PCDH15: variants seen among roughly 807,000 people sequenced by gnomAD.
The protein encoded by PCDH15 is protocadherin related 15.
PCDH15 carries 129 observed loss-of-function variants against 178.5 expected under a neutral mutation model. That is an observed-to-expected ratio of 0.72 (90% CI 0.63 to 0.84). The LOEUF (loss-of-function observed/expected upper bound fraction) is 0.84. Among genes scored for constraint, PCDH15 ranks in the 40% least tolerant of loss-of-function variants. PCDH15 has a pLI of 0.00. For synonymous variants in PCDH15, 800 were observed against 732.0 expected (o/e 1.09, Z -1.50); for missense variants, 2,230 against 2,099.9 (o/e 1.06, Z -1.21).
At chr10:54,998,848 A>G (rs1839716717) in intron 2 of PCDH15, among the ~76,000 whole-genome samples, 1 of 152,196 alleles carries the variant, frequency 6.6e-6, no homozygotes, top group African/African-American at 2.4e-5. Context: ...TATTTTGTAG[A>G]CTTAAAGATA....
chr10:55,527,178 C>T (rs1373088890), intron 2 of PCDH15, among the ~76,000 whole-genome samples: 1 of 152,006 alleles, frequency 6.6e-6, no homozygotes, highest in Non-Finnish European at 1.5e-5. Context: ...TGTGTATATT[C>T]GTTTCTTATG....
intron 2 of PCDH15, chr10:55,600,131 G>A (rs1017632910): frequency 8.8e-6 from 3 of 341,362 alleles, no homozygotes; most frequent in African/African-American, 2.1e-5. Context: ...TTGGGAGGCC[G>A]AGGTGGGTGG....
At chr10:54,359,172 A>G (rs1447786269) in intron 5 of PCDH15, among the ~76,000 whole-genome samples, 1 of 152,032 alleles carries the variant, frequency 6.6e-6, no homozygotes, top group Non-Finnish European at 1.5e-5. Context: ...AAAACAAAAA[A>G]CAAAACACAG....
At chr10:54,657,476 G>A (rs1478573610) in intron 2 of PCDH15, among the ~76,000 whole-genome samples, 1 of 152,174 alleles carries the variant, frequency 6.6e-6, no homozygotes, top group Non-Finnish European at 1.5e-5. Context: ...AAGGCACAGG[G>A]CTAGTGAATA....
chr10:54,864,563 T>G (rs577331354), intron 3 of PCDH15: 5 of 152,288 alleles, frequency 3.3e-5, no homozygotes, highest in Non-Finnish European at 7.4e-5. Context: ...AAACATTTAT[T>G]ATATAATATT....
intron 8 of PCDH15, among the ~76,000 whole-genome samples, chr10:54,251,565 G>C (rs537433659): frequency 2.8e-4 from 43 of 152,064 alleles, no homozygotes; most frequent in Non-Finnish European, 5.4e-4. Context: ...TTTTTAACCA[G>C]GCTGATGCAG....
At chr10:55,527,638 TTC>T (rs1258584467) in intron 2 of PCDH15, among the ~76,000 whole-genome samples, 2 of 151,916 alleles carry the variant, frequency 1.3e-5, no homozygotes, top group South Asian at 4.1e-4. Flanking sequence ...GAATTTTGTT[TTC>T]TTTCTTATTA....
rs2049557200 is a variant in PCDH15, at chr10:54,195,814, T to G, written c.1174A>C (p.Ser392Arg). Residue 392 changes from serine (S) to arginine (R), a missense_variant, in exon 11 of 38, where the codon AGT becomes CGT. Ser to Arg is a moderately radical substitution (Grantham distance 110, BLOSUM62 -1). Transcript: ENST00000644397. ...TAACTGGGCATTGTAAAATATGGACTTTGATTGTTTTCATCCAGTATTTCA... is the reference window on the plus strand; with the variant it reads ...TAACTGGGCATTGTAAAATATGGACGTTGATTGTTTTCATCCAGTATTTCA... The part of the protein sequence containing the change: ...HIEILDENNQ[S>R]PYFTMPSYQG... The G allele has an allele frequency of 6.2e-7, 1 of 1,614,058 alleles. No homozygotes were observed. The highest frequency in any genetic ancestry group is 8.5e-7 in the Non-Finnish European group (1 of 1,179,950).
intron 3 of PCDH15, among the ~76,000 whole-genome samples, chr10:54,862,235 A>G (rs1398300277): frequency 1.3e-5 from 2 of 152,188 alleles, no homozygotes; most frequent in Non-Finnish European, 2.9e-5. Flanking sequence ...TTTACCATAA[A>G]TGTTTCTAGG....
At chr10:54,796,281 TG>T (rs1413924603) in intron 1 of PCDH15, among the ~76,000 whole-genome samples, 1 of 103,950 alleles carries the variant, frequency 9.6e-6, no homozygotes, top group African/African-American at 4.0e-5. Flanking sequence ...TATGTATCTA[TG>T]TATCTATCTA....
chr10:54,269,840 T>A (rs2057935890), intron 8 of PCDH15, among the ~76,000 whole-genome samples: 1 of 152,002 alleles, frequency 6.6e-6, no homozygotes, highest in African/African-American at 2.4e-5. Context: ...GGAACACCAC[T>A]TCATCTTAAC....
intron 8 of PCDH15, among the ~76,000 whole-genome samples, chr10:54,314,384 C>A (rs771210598): frequency 2.2e-4 from 34 of 152,048 alleles, no homozygotes; most frequent in Non-Finnish European, 4.1e-4. Flanking sequence ...CAAACCCACC[C>A]TCTTGTAGAA....
At chr10:53,829,642 A>C (rs1006352072) in intron 30 of PCDH15, among the ~76,000 whole-genome samples, 7 of 152,230 alleles carry the variant, frequency 4.6e-5, no homozygotes, top group African/African-American at 1.7e-4. Context: ...ATTAAGCTCC[A>C]GTATATCAAC....
At chr10:55,116,767 C>G (rs1837637820) in intron 2 of PCDH15, among the ~76,000 whole-genome samples, 1 of 152,158 alleles carries the variant, frequency 6.6e-6, no homozygotes, top group African/African-American at 2.4e-5. Flanking sequence ...AGGTCATTCT[C>G]TGACCTTCTC....
intron 2 of PCDH15, among the ~76,000 whole-genome samples, chr10:54,657,861 TG>T (rs1420586729): frequency 6.6e-6 from 1 of 151,970 alleles, no homozygotes; most frequent in Non-Finnish European, 1.5e-5. Context: ...CTAACCAAAA[TG>T]AAAATCCTGA....
intron 1 of PCDH15, among the ~76,000 whole-genome samples, chr10:55,242,942 TGAA>T (rs1409951572): frequency 1.3e-5 from 2 of 152,182 alleles, no homozygotes; most frequent in Non-Finnish European, 2.9e-5. Flanking sequence ...AAATTAATAA[TGAA>T]GACTGCTGGG....
At chr10:55,082,950 C>A (rs1842079512) in intron 2 of PCDH15, among the ~76,000 whole-genome samples, 1 of 151,928 alleles carries the variant, frequency 6.6e-6, no homozygotes, top group African/African-American at 2.4e-5. Context: ...GGTTGCACTG[C>A]TGAATTTTAT....
intron 18 of PCDH15, among the ~76,000 whole-genome samples, chr10:54,025,805 C>T (rs2093068103): frequency 6.6e-6 from 1 of 151,996 alleles, no homozygotes; most frequent in Non-Finnish European, 1.5e-5. Context: ...CCATTTCTTC[C>T]ATTTTTAAAG....
At chr10:54,510,983 C>T (rs1234637985) in intron 3 of PCDH15, among the ~76,000 whole-genome samples, 2 of 152,088 alleles carry the variant, frequency 1.3e-5, no homozygotes, top group African/African-American at 4.8e-5. Context: ...TTTGTATCCA[C>T]TTTCAGAGTG....
Sources: gnomAD v4.1 joint callset for allele counts (sites outside exome capture counted in the v4.1 genomes callset) on GRCh38, gnomAD v4.1.1 for gene constraint, MANE v1.5 for transcripts, NCBI Gene and HGNC (gene_info 2026-07-23, HGNC 2026-07-21) for gene names.